CFAP61: variants seen among roughly 807,000 people sequenced by gnomAD.
CFAP61 encodes the protein cilia- and flagella-associated protein 61.
A neutral mutation model predicts 135.6 loss-of-function variants in CFAP61; 107 were observed. The ratio of observed to expected loss-of-function variants is 0.79; its 90% CI spans 0.67 to 0.93. CFAP61 has a LOEUF of 0.93. Among genes scored for constraint, CFAP61 ranks in the 40% least tolerant of loss-of-function variants. CFAP61 has a pLI of 0.00. For missense variants in CFAP61, 1,507 were observed against 1,556.2 expected (o/e 0.97, Z 0.53); for synonymous variants, 575 against 578.5 (o/e 0.99, Z 0.09).
Position 20,070,793 on chromosome 20 carries a change from C to T in CFAP61, c.144-61C>T. ...CCAGTAGCCAGAGGGAAAAAAATGG[C>T]ATGTCCTCACCTCACTTTTTGTAAT... is the stretch of plus-strand genomic sequence containing the variant. On this transcript the variant is annotated intron_variant, in intron 2 of 26. Transcript: ENST00000245957. 2.6e-6 allele frequency: 4 copies of T among 1,512,560 alleles called. No homozygotes were observed. The South Asian group carries it at 5.0e-5, about 19-fold the overall frequency. The allele number at this position is 1,512,560 out of a possible 1,614,324, so 93.7% of individuals were successfully genotyped here.
rs529585583 is a variant in CFAP61 at position 20,277,316 on chromosome 20, C to T, written c.2654C>T (p.Ala885Val). Residue 885 changes from alanine (A) to valine (V), a missense_variant, in exon 22 of 27, where the codon GCC becomes GTC. Ala to Val is a moderately conservative substitution (Grantham distance 64, BLOSUM62 0). Coordinates refer to ENST00000245957, the MANE Select transcript of CFAP61 (RefSeq NM_015585.4). ...TCINNYSVES[A>V]VADALGAAGV... Reference sequence around the variant, plus strand: ...ATCAACAACTACTCGGTGGAGAGCGCCGTGGCGGACGCGCTAGGAGCCGCC... The same window carrying T: ...ATCAACAACTACTCGGTGGAGAGCGTCGTGGCGGACGCGCTAGGAGCCGCC... 4.3e-6 allele frequency: 7 copies of T among 1,614,154 alleles called. No homozygotes were observed. The highest frequency in any genetic ancestry group is 2.2e-5 in the South Asian group (2 of 91,080).
At chr20:20,286,017 T>TTA (rs2054565770) in intron 22 of CFAP61, among the ~76,000 whole-genome samples, 1 of 143,498 alleles carries the variant, frequency 7.0e-6, no homozygotes, top group Admixed American at 6.9e-5. Flanking sequence ...AAAGCAAACT[T>TTA]AAAAAAAAAA....
intron 8 of CFAP61, among the ~76,000 whole-genome samples, chr20:20,103,233 A>T (rs1209807593): frequency 6.6e-6 from 1 of 152,202 alleles, no homozygotes; most frequent in African/African-American, 2.4e-5. Context: ...TTAAAAAAAA[A>T]GTTTCCCTGA....
intron 10 of CFAP61, among the ~76,000 whole-genome samples, chr20:20,159,981 C>G (rs2053260530): frequency 6.6e-6 from 1 of 152,182 alleles, no homozygotes; most frequent in Admixed American, 6.5e-5. Flanking sequence ...TTCCCTTCAC[C>G]CCACCCATGC....
intron 6 of CFAP61, among the ~76,000 whole-genome samples, chr20:20,080,955 T>C (rs2046390552): frequency 6.6e-6 from 1 of 152,104 alleles, no homozygotes; most frequent in South Asian, 2.1e-4. Context: ...TGATCCGAGA[T>C]TGTGCCATTG....
chr20:20,252,903 G>A (rs1269763013), intron 20 of CFAP61, among the ~76,000 whole-genome samples: 2 of 152,192 alleles, frequency 1.3e-5, no homozygotes, highest in East Asian at 1.9e-4. Flanking sequence ...CCTAGGCTCC[G>A]CCCCCAGAGG....
At chr20:20,247,719 C>T (rs1293023873) in intron 19 of CFAP61, among the ~76,000 whole-genome samples, 2 of 152,310 alleles carry the variant, frequency 1.3e-5, no homozygotes, top group African/African-American at 4.8e-5. Flanking sequence ...TCCAGCCTCA[C>T]CTTTTATTAT....
At chr20:20,057,327 A>C (rs1239557763) in intron 2 of CFAP61, among the ~76,000 whole-genome samples, 1 of 152,188 alleles carries the variant, frequency 6.6e-6, no homozygotes, top group Non-Finnish European at 1.5e-5. Context: ...TGGGCTTTGG[A>C]TTCAAACAAA....
chr20:20,322,009 C>T (rs1431766216), intron 25 of CFAP61, among the ~76,000 whole-genome samples: 1 of 152,152 alleles, frequency 6.6e-6, no homozygotes, highest in Admixed American at 6.5e-5. Context: ...GTCTAACTAT[C>T]CTCAGACCAC....
At chr20:20,227,773 G>A (rs772953281) in intron 17 of CFAP61, among the ~76,000 whole-genome samples, 23 of 152,298 alleles carry the variant, frequency 1.5e-4, no homozygotes, top group Non-Finnish European at 2.5e-4. Context: ...GTTAAGTAAC[G>A]TGAGGGACAG....
At chr20:20,158,128 T>G (rs2053092501) in intron 9 of CFAP61, among the ~76,000 whole-genome samples, 1 of 148,834 alleles carries the variant, frequency 6.7e-6, no homozygotes. Context: ...CATTGGGAGA[T>G]ATACCTAATG....
At chr20:20,148,468 C>T (rs951881681) in intron 9 of CFAP61, among the ~76,000 whole-genome samples, 25 of 152,088 alleles carry the variant, frequency 1.6e-4, no homozygotes, top group African/African-American at 1.4e-4. Flanking sequence ...TCTTTCACCT[C>T]CTTGGTTAAG....
intron 24 of CFAP61, among the ~76,000 whole-genome samples, chr20:20,293,724 G>A (rs2055176669): frequency 6.6e-6 from 1 of 152,160 alleles, no homozygotes; most frequent in Non-Finnish European, 1.5e-5. Context: ...CTGACAAAAG[G>A]AAGAAAGGGG....
chr20:20,196,742 A>G lies in CFAP61; in HGVS notation c.1763A>G (p.Tyr588Cys). 1 of 1,614,186 alleles carries G rather than the reference A, an allele frequency of 6.2e-7. No homozygotes were observed. The highest frequency in any genetic ancestry group is 2.2e-5 in the East Asian group (1 of 44,882). Residue 588 changes from tyrosine (Y) to cysteine (C), a missense_variant, in exon 16 of 27, where the codon TAC becomes TGC. By Grantham distance (194) the Tyr-to-Cys change is radical. Coordinates refer to ENST00000245957, the MANE Select transcript of CFAP61 (RefSeq NM_015585.4). The part of the protein sequence containing the change: ...ILRLGFKSCL[Y>C]YRVYPKSREG... ...CGTTTAGGCTTTAAATCCTGTCTCT[A>G]CTACCGTGTTTACCCAAAATCCAGA... is the stretch of plus-strand genomic sequence containing the variant.
intron 15 of CFAP61, among the ~76,000 whole-genome samples, chr20:20,196,215 G>C (rs893815459): frequency 7.9e-5 from 12 of 152,178 alleles, no homozygotes; most frequent in African/African-American, 2.4e-4. Flanking sequence ...TCCGTCTCTT[G>C]TGCTGACTGG....
intron 2 of CFAP61, among the ~76,000 whole-genome samples, chr20:20,062,103 G>A (rs2044846035): frequency 6.6e-6 from 1 of 152,064 alleles, no homozygotes; most frequent in African/African-American, 2.4e-5. Flanking sequence ...TAAGAGAGAA[G>A]TGTGTGCCTA....
intron 9 of CFAP61, among the ~76,000 whole-genome samples, chr20:20,154,625 G>GCAACAA (rs924387555): frequency 6.6e-6 from 1 of 150,920 alleles, no homozygotes; most frequent in Non-Finnish European, 1.5e-5. Context: ...AAACAAAACA[G>GCAACAA]CAACAACAAC....
intron 25 of CFAP61, among the ~76,000 whole-genome samples, chr20:20,310,044 G>C (rs2122189606): frequency 6.6e-6 from 1 of 152,160 alleles, no homozygotes; most frequent in East Asian, 1.9e-4. Context: ...ACCCAGGCTG[G>C]AGCACAATGA....
intron 10 of CFAP61, among the ~76,000 whole-genome samples, chr20:20,162,234 G>A (rs138859910): frequency 7.1e-4 from 108 of 152,170 alleles, no homozygotes; most frequent in Middle Eastern, 3.4e-3. Flanking sequence ...GGGCCCACCC[G>A]GATCATCTAG....
Sources: gnomAD v4.1 joint callset for allele counts (sites outside exome capture counted in the v4.1 genomes callset) on GRCh38, gnomAD v4.1.1 for gene constraint, MANE v1.5 for transcripts, NCBI Gene and HGNC (gene_info 2026-07-23, HGNC 2026-07-21) for gene names.